Variants in SNX12 observed in about 807,000 individuals in gnomAD.
SNX12 encodes sorting nexin-12.
For missense variants in SNX12, 62 were observed against 141.3 expected (o/e 0.44, Z 2.84); for synonymous variants, 47 against 56.0 (o/e 0.84, Z 0.71).
chrX:71,062,616 G>A (rs958193805), intron 2 of SNX12, among the ~76,000 whole-genome samples: 11 of 110,884 alleles, frequency 9.9e-5, no homozygotes, highest in African/African-American at 2.3e-4. Context: ...CAGGTGATCC[G>A]CCCGCCTCAG....
intron 1 of SNX12, 98 bp from the exon 2 acceptor site, chrX:71,063,047 C>G: frequency 1.8e-6 from 1 of 544,625 alleles, no homozygotes. Context: ...GAAGAAATAG[C>G]TCCTATGGAT....
upstream of SNX12, among the ~76,000 whole-genome samples, chrX:71,071,142 G>T (rs2092170272): frequency 9.3e-6 from 1 of 108,076 alleles, no homozygotes; most frequent in African/African-American, 3.4e-5. Flanking sequence ...TATTATAAAG[G>T]GGTAGTGGAT....
chrX:71,068,448 C>T (rs1422794697), upstream of SNX12: 3 of 432,808 alleles, frequency 6.9e-6, no homozygotes, highest in Admixed American at 1.6e-4. Flanking sequence ...CACGCACGCA[C>T]GCGCACGCCG....
At chrX:71,067,771 G>A (rs1292655152) in intron 1 of SNX12, among the ~76,000 whole-genome samples, 1 of 110,947 alleles carries the variant, frequency 9.0e-6, no homozygotes, top group Admixed American at 9.6e-5. Flanking sequence ...GCGATATATC[G>A]CCTTGGCTTT....
chrX:71,064,864 T>C (rs909516073), intron 1 of SNX12, among the ~76,000 whole-genome samples: 3 of 112,831 alleles, frequency 2.7e-5, no homozygotes, highest in Non-Finnish European at 5.6e-5. Flanking sequence ...CATTAGAGCT[T>C]CACACAGAAC....
intron 2 of SNX12, among the ~76,000 whole-genome samples, chrX:71,062,558 A>C (rs1482770659): frequency 9.1e-6 from 1 of 110,070 alleles, no homozygotes; most frequent in Non-Finnish European, 1.9e-5. Flanking sequence ...TTTTTAGTAC[A>C]GGCGGGGTTT....
chrX:71,066,481 T>C (rs1281380454), intron 1 of SNX12, among the ~76,000 whole-genome samples: 1 of 108,277 alleles, frequency 9.2e-6, no homozygotes, highest in Non-Finnish European at 1.9e-5. Context: ...TCCCAGCTAC[T>C]CGGGAGGATG....
At chrX:71,068,412 A>AGGCGGC, upstream of SNX12, 1 of 688,292 alleles carries the variant, frequency 1.5e-6, no homozygotes, top group Non-Finnish European at 2.0e-6. Context: ...GCCAACCCAC[A>AGGCGGC]GGCGGCGGCG....
chrX:71,071,624 T>TA (rs1569477494), upstream of SNX12, among the ~76,000 whole-genome samples: 11 of 58,275 alleles, frequency 1.9e-4, no homozygotes, highest in African/African-American at 1.0e-3. Context: ...ATATATAATA[T>TA]TTATATATTT....
upstream of SNX12, among the ~76,000 whole-genome samples, chrX:71,069,053 TCTA>T (rs1307089427): frequency 8.9e-6 from 1 of 112,205 alleles, no homozygotes; most frequent in East Asian, 2.8e-4. Flanking sequence ...ACCTTCTATT[TCTA>T]CTCCGCAGAA....
intron 2 of SNX12, among the ~76,000 whole-genome samples, chrX:71,062,574 T>A (rs2092136225): frequency 9.1e-6 from 1 of 110,325 alleles, no homozygotes; most frequent in Admixed American, 9.6e-5. Flanking sequence ...GGTTTCACCA[T>A]GTTGGCCAGG....
At chrX:71,067,238 G>A (rs1445957468) in intron 1 of SNX12, among the ~76,000 whole-genome samples, 1 of 112,211 alleles carries the variant, frequency 8.9e-6, no homozygotes, top group Non-Finnish European at 1.9e-5. Context: ...CATGCATGCT[G>A]GAAGAAGCCA....
chrX:71,068,355 G>A, upstream of SNX12: 2 of 1,066,147 alleles, frequency 1.9e-6, no homozygotes, highest in Non-Finnish European at 2.5e-6. Flanking sequence ...GGGGACAGAG[G>A]CCTGAGGCAG....
upstream of SNX12, chrX:71,068,370 G>A (rs2092162912): frequency 6.2e-6 from 6 of 972,229 alleles, no homozygotes; most frequent in South Asian, 1.4e-4. Context: ...AGGCAGGAGC[G>A]CGCACGGCCC....
At chrX:71,071,703 T>C (rs1357214759), upstream of SNX12, among the ~76,000 whole-genome samples, 5 of 71,535 alleles carry the variant, frequency 7.0e-5, no homozygotes, top group Non-Finnish European at 1.2e-4. Flanking sequence ...AAATATATAA[T>C]ATATAGATAT....
chrX:71,061,408 C>A (rs1300957075), intron 3 of SNX12, among the ~76,000 whole-genome samples: 1 of 112,257 alleles, frequency 8.9e-6, no homozygotes, highest in Non-Finnish European at 1.9e-5. Flanking sequence ...AGTCAGCCCA[C>A]CACACAATTG....
intron 1 of SNX12, among the ~76,000 whole-genome samples, chrX:71,065,102 G>T (rs1425272920): frequency 1.8e-5 from 2 of 112,564 alleles, no homozygotes; most frequent in Non-Finnish European, 1.9e-5. Flanking sequence ...TGGATGCGGT[G>T]GCTCACGCCT....
At chrX:71,070,986 C>A (rs1343296036), upstream of SNX12, among the ~76,000 whole-genome samples, 1 of 110,631 alleles carries the variant, frequency 9.0e-6, no homozygotes. Flanking sequence ...AGTTTTACTT[C>A]CAATAATTTA....
At chrX:71,072,745 C>G (rs1184945400), upstream of SNX12, among the ~76,000 whole-genome samples, 1 of 110,800 alleles carries the variant, frequency 9.0e-6, no homozygotes, top group Non-Finnish European at 1.9e-5. Flanking sequence ...TCAAATGGCC[C>G]TAGGAGAATT....
Sources: allele counts gnomAD v4.1 joint callset (sites outside exome capture counted in the v4.1 genomes callset), GRCh38; gene constraint gnomAD v4.1.1; transcripts MANE v1.5; gene names NCBI Gene and HGNC (gene_info 2026-07-23, HGNC 2026-07-21).